Variants in GAP43 observed in about 807,000 individuals in gnomAD.
The protein encoded by GAP43 is neuromodulin.
In GAP43, 6 loss-of-function variants were observed where a neutral mutation model predicts 18.6. That is an observed-to-expected ratio of 0.32 (90% CI 0.18 to 0.64). GAP43 has a LOEUF of 0.64. Ranked by LOEUF, GAP43 falls within the 30% of genes least tolerant of loss-of-function variation. The pLI is 0.78. For missense variants in GAP43, 292 were observed against 295.5 expected, an observed-to-expected ratio of 0.99 and a Z score of 0.09; for synonymous variants, 115 against 111.4, an observed-to-expected ratio of 1.03 and a Z score of -0.20.
chr3:115,685,081 T>G (rs12490536), intron 2 of GAP43, among the ~76,000 whole-genome samples: 122,294 of 152,082 alleles, frequency 0.8, 50,036 homozygotes, highest in East Asian at 0.87. Flanking sequence ...ATGCCTTAGA[T>G]AAAATCCTAA....
chr3:115,683,114 T>C (rs1487014784), intron 2 of GAP43, among the ~76,000 whole-genome samples: 4 of 131,294 alleles, frequency 3.0e-5, no homozygotes, highest in Non-Finnish European at 4.8e-5. Flanking sequence ...CTTTTTTCTC[T>C]ACATACATGT....
In GAP43 at chr3:115,669,044, T is replaced by TA. The variant is rs796593034; in HGVS notation, c.31-6956dup. ...CTGGGTGACAGAGAGTGACCCTGTC[T>TA]AAAAAAAAAAAAAGAAAGAAAAAGT... On this transcript the variant is annotated intron_variant, in intron 1 of 2. Transcript: ENST00000305124. Among the ~76,000 whole-genome samples the TA allele has an allele frequency of 7.1e-3, 926 of 129,926 alleles. 12 individuals carry two copies. The highest frequency in any genetic ancestry group is 0.022 in the African/African-American group (801 of 35,662). The allele number at this position is 129,926 out of a possible 152,430, so 85.2% of individuals were successfully genotyped here. A position where few individuals can be genotyped will look rare whatever the true frequency, so the allele number is the denominator to read the frequency against.
chr3:115,637,631 A>G (rs140590087), intron 1 of GAP43, among the ~76,000 whole-genome samples: 47 of 152,174 alleles, frequency 3.1e-4, no homozygotes, highest in Non-Finnish European at 5.3e-4. Flanking sequence ...TGAATAATCT[A>G]ATTTGTGCCC....
intron 2 of GAP43, among the ~76,000 whole-genome samples, chr3:115,716,714 ACAAATAT>A (rs1559809033): frequency 0.067 from 4,254 of 63,788 alleles, 641 homozygotes; most frequent in East Asian, 0.091. Context: ...TTAATCTCAG[ACAAATAT>A]ATATATATAT....
chr3:115,675,989 T>G, intron 1 of GAP43, 24 bp from the exon 2 acceptor site: 4 of 1,574,752 alleles, frequency 2.5e-6, no homozygotes, highest in Non-Finnish European at 3.4e-6. Context: ...AAGCCCTCTC[T>G]TTTCCCTTCT....
At chr3:115,626,344 C>T (rs1322707772) in intron 1 of GAP43, among the ~76,000 whole-genome samples, 2 of 152,146 alleles carry the variant, frequency 1.3e-5, no homozygotes, top group Non-Finnish European at 2.9e-5. Flanking sequence ...TCCTCTTCCA[C>T]TTGAGCGGCA....
At position 115,676,416 on chromosome 3, in the gene GAP43, A is replaced by C; in HGVS notation, c.434A>C (p.Lys145Thr). 1 of 1,613,958 alleles carries C rather than the reference A, an allele frequency of 6.2e-7. No individual in the cohort carries two copies. Among genetic ancestry groups the C allele is most frequent in the Non-Finnish European group, 8.5e-7 (1 of 1,179,898 alleles). ...AGSAETESAT[K>T]ASTDNSPSSK... ...TCAGCTGAGACAGAAAGTGCCACTA[A>C]AGCTTCCACTGATAACTCGCCGTCC... is the stretch of plus-strand genomic sequence containing the variant. The change falls in exon 2 of 3, where the codon AAA (lysine) becomes ACA (threonine). Residue 145 changes from lysine (K) to threonine (T), a missense_variant. Physicochemically the swap from Lys to Thr is moderately conservative, Grantham distance 78. Transcript: ENST00000305124.
chr3:115,687,262 C>T (rs1709047080), intron 2 of GAP43, among the ~76,000 whole-genome samples: 1 of 152,138 alleles, frequency 6.6e-6, no homozygotes, highest in Admixed American at 6.5e-5. Flanking sequence ...GCCAATCGAT[C>T]TCATTTACTG....
intron 1 of GAP43, among the ~76,000 whole-genome samples, chr3:115,631,973 C>T (rs1006303652): frequency 2.0e-5 from 3 of 152,050 alleles, no homozygotes; most frequent in Non-Finnish European, 2.9e-5. Context: ...TTTATTATTT[C>T]CTTTGAAAAC....
intron 2 of GAP43, among the ~76,000 whole-genome samples, chr3:115,687,920 T>C (rs1221245410): frequency 6.6e-6 from 1 of 152,160 alleles, no homozygotes; most frequent in Non-Finnish European, 1.5e-5. Context: ...CAGATACTGC[T>C]CAAATTCTAA....
chr3:115,660,222 G>A (rs963022272), intron 1 of GAP43, among the ~76,000 whole-genome samples: 2 of 152,056 alleles, frequency 1.3e-5, no homozygotes, highest in Non-Finnish European at 2.9e-5. Flanking sequence ...GCTGGCCAGC[G>A]GAGAAGTTTG....
chr3:115,693,964 C>A (rs2107360524), intron 2 of GAP43, among the ~76,000 whole-genome samples: 1 of 152,294 alleles, frequency 6.6e-6, no homozygotes, highest in East Asian at 1.9e-4. Context: ...CAATTATCAG[C>A]CTTCCAGGGC....
intron 2 of GAP43, among the ~76,000 whole-genome samples, chr3:115,678,534 A>T (rs1382194893): frequency 6.6e-6 from 1 of 152,220 alleles, no homozygotes; most frequent in East Asian, 1.9e-4. Flanking sequence ...TTGTCAACAA[A>T]TGTCAAATAT....
chr3:115,704,482 C>G (rs1429419069), intron 2 of GAP43, among the ~76,000 whole-genome samples: 1 of 152,048 alleles, frequency 6.6e-6, no homozygotes, highest in Non-Finnish European at 1.5e-5. Flanking sequence ...TCCACTTCAC[C>G]TCCCGCAATT....
chr3:115,719,137 C>T (rs1709546182), intron 2 of GAP43, among the ~76,000 whole-genome samples: 1 of 152,108 alleles, frequency 6.6e-6, no homozygotes, highest in African/African-American at 2.4e-5. Flanking sequence ...AATTTGTTAG[C>T]CTAACAAAAT....
At chr3:115,707,441 C>T (rs1305726989) in intron 2 of GAP43, among the ~76,000 whole-genome samples, 1 of 152,058 alleles carries the variant, frequency 6.6e-6, no homozygotes, top group Non-Finnish European at 1.5e-5. Context: ...AGGTACATGC[C>T]ACCATGCCCA....
intron 2 of GAP43, among the ~76,000 whole-genome samples, chr3:115,703,713 A>T (rs1034817898): frequency 6.6e-6 from 1 of 152,200 alleles, no homozygotes; most frequent in Middle Eastern, 3.4e-3. Flanking sequence ...GGGTTCAGAA[A>T]AGTGAGGCAT....
chr3:115,667,383 A>G (rs557130721), intron 1 of GAP43, among the ~76,000 whole-genome samples: 35 of 152,358 alleles, frequency 2.3e-4, no homozygotes, highest in Non-Finnish European at 4.3e-4. Context: ...TCATTTATTC[A>G]TTGAACAAAA....
chr3:115,642,931 G>A (rs1358106608), intron 1 of GAP43, among the ~76,000 whole-genome samples: 2 of 152,000 alleles, frequency 1.3e-5, no homozygotes, highest in Non-Finnish European at 2.9e-5. Context: ...CACATCTGAA[G>A]TTCAATGAAA....
Sources: gnomAD v4.1 joint callset for allele counts (sites outside exome capture counted in the v4.1 genomes callset) on GRCh38, gnomAD v4.1.1 for gene constraint, MANE v1.5 for transcripts, NCBI Gene and HGNC (gene_info 2026-07-23, HGNC 2026-07-21) for gene names.